The following CCDC88C variants were observed in gnomAD, a reference collection of about 807,000 sequenced individuals.
The protein encoded by CCDC88C is protein Daple.
CCDC88C carries 131 observed loss-of-function variants against 198.8 expected under a neutral mutation model. That is an observed-to-expected ratio of 0.66 (90% CI 0.57 to 0.76). The LOEUF (loss-of-function observed/expected upper bound fraction) is 0.76, where lower values mean the gene tolerates loss of function less well. Ranked by LOEUF, CCDC88C falls within the 30% of genes least tolerant of loss-of-function variation. The pLI is 0.00. For synonymous variants in CCDC88C, 1,166 were observed against 1,114.7 expected, an observed-to-expected ratio of 1.05 and a Z score of -0.92; for missense variants, 2,553 against 2,631.6, an observed-to-expected ratio of 0.97 and a Z score of 0.65.
At chr14:91,340,655 C>G (rs1893279274) in intron 6 of CCDC88C, among the ~76,000 whole-genome samples, 1 of 152,096 alleles carries the variant, frequency 6.6e-6, no homozygotes, top group Admixed American at 6.6e-5. Flanking sequence ...CCATTTCGAG[C>G]TCTTCTCCTC....
chr14:91,294,339 G>A (rs550815649), intron 22 of CCDC88C, 21 bp from the exon 23 acceptor site: 128 of 1,612,616 alleles, frequency 7.9e-5, no homozygotes, highest in Non-Finnish European at 9.5e-5. Flanking sequence ...GACCAACAGC[G>A]TCTCAGACAC....
intron 4 of CCDC88C, among the ~76,000 whole-genome samples, chr14:91,349,826 A>T (rs2139883295): frequency 6.6e-6 from 1 of 152,356 alleles, no homozygotes; most frequent in Middle Eastern, 3.4e-3. Flanking sequence ...CTGATAGCAC[A>T]CGTTTCTAAG....
chr14:91,279,211 A>T lies in CCDC88C; in HGVS notation c.4768+27T>A, dbSNP rs773302314. ...CTGTGCCTGGCCCAAATCAATTTTT[A>T]AAAGTACACAGAAGCACAAGACTTA... is the stretch of plus-strand genomic sequence containing the variant. On this transcript the variant is annotated intron_variant, in intron 28 of 29. Coordinates refer to ENST00000389857, the MANE Select transcript of CCDC88C (RefSeq NM_001080414.4). 1.8e-5 allele frequency: 28 copies of T among 1,564,144 alleles called. No homozygotes were observed. The Middle Eastern group carries it at 1.3e-3, about 74-fold the overall frequency.
At chr14:91,407,022 A>G (rs79156771) in intron 3 of CCDC88C, among the ~76,000 whole-genome samples, 1,691 of 152,144 alleles carry the variant, frequency 0.011, 16 homozygotes, top group Non-Finnish European at 0.016. Context: ...CCCTCTCCCA[A>G]TGGTCTCTGG....
At chr14:91,310,178 G>A (rs1370497441) in intron 15 of CCDC88C, among the ~76,000 whole-genome samples, 192 bp from the exon 16 acceptor site, 1 of 151,878 alleles carries the variant, frequency 6.6e-6, no homozygotes, top group Non-Finnish European at 1.5e-5. Context: ...CAGCCCTCCT[G>A]GTGCTGAAAA....
At chr14:91,416,603 G>A in intron 2 of CCDC88C, 135 bp downstream of exon 2, 2 of 702,974 alleles carry the variant, frequency 2.8e-6, no homozygotes, top group Non-Finnish European at 5.1e-6. Flanking sequence ...TTAATACTGA[G>A]ATACCAGCGT....
rs893875448 is a variant in CCDC88C at position 91,338,138 on chromosome 14, C to A, written c.917G>T (p.Arg306Leu). The A allele has an allele frequency of 6.2e-7, 1 of 1,613,728 alleles. No individual in the cohort carries two copies. The highest frequency in any genetic ancestry group is 1.3e-5 in the African/African-American group (1 of 74,940). ...QENIQLAADA[R>L]SARAYRDELD... Reference sequence around the variant, plus strand: ...CTCGTCTCGATAGGCACGAGCAGACCGGGCGTCTGCCGCTAGCTGGATGTT... The same window carrying A: ...CTCGTCTCGATAGGCACGAGCAGACAGGGCGTCTGCCGCTAGCTGGATGTT... The change falls in exon 10 of 30, where the codon CGG (arginine) becomes CTG (leucine). Residue 306 changes from arginine (R) to leucine (L), a missense_variant. This residue lies in a region of CCDC88C where 1,260 missense variants were observed against 1,412.0 expected (regional missense o/e 0.89). Coordinates refer to ENST00000389857, the MANE Select transcript of CCDC88C (RefSeq NM_001080414.4). The surrounding 1 kb of genome is among the most constrained non-coding windows in gnomAD (Gnocchi z 4.8).
At chr14:91,322,904 C>CTTTTTTTTTT (rs35728972) in intron 12 of CCDC88C, among the ~76,000 whole-genome samples, 1 of 127,518 alleles carries the variant, frequency 7.8e-6, no homozygotes, top group Non-Finnish European at 1.6e-5. Flanking sequence ...CAGTGTTTCT[C>CTTTTTTTTTT]TTTTTTTTTT....
chr14:91,329,031 C>A (rs1051949463), intron 10 of CCDC88C, among the ~76,000 whole-genome samples: 31 of 152,168 alleles, frequency 2.0e-4, no homozygotes, highest in Admixed American at 1.2e-3. Context: ...CCAGGGCATC[C>A]TCAGTGGGGA....
intron 10 of CCDC88C, among the ~76,000 whole-genome samples, chr14:91,332,744 C>G (rs531259962): frequency 1.4e-4 from 21 of 152,308 alleles, no homozygotes; most frequent in African/African-American, 4.3e-4. Flanking sequence ...CCCAAGGAGT[C>G]GAAAAACTCA....
Position 91,272,374 on chromosome 14 carries a change from G to A in CCDC88C, c.*251C>T, listed in dbSNP as rs1889771372. 2 of 527,038 alleles carry A rather than the reference G, an allele frequency of 3.8e-6. No homozygotes were observed. The allele number at this position is 527,038 out of a possible 1,614,324, so 32.6% of individuals were successfully genotyped here. A position where few individuals can be genotyped will look rare whatever the true frequency, so the allele number is the denominator to read the frequency against. On this transcript the variant is annotated 3_prime_UTR_variant, in exon 30 of 30. Coordinates refer to ENST00000389857, the MANE Select transcript of CCDC88C (RefSeq NM_001080414.4). ...TCCTAATTGGTCCCCATGCTGACGT[G>A]GATTATTTGTTCCAAAGATATCAGC...
At position 91,273,736 on chromosome 14, in the gene CCDC88C, G is replaced by C. The variant is rs1019413085; in HGVS notation, c.5059-83C>G. ...GCCGCCTCCTGCGCGGGACGCCCCC[G>C]AGCAGCCCACGTGGCTGGGACCGCA... On this transcript the variant is annotated intron_variant, in intron 29 of 29. Transcript: ENST00000389857. This position sits in a 1 kb window ranked among gnomAD's most constrained non-coding sequence, Gnocchi z 5.6. 7 of 1,254,376 alleles carry C rather than the reference G, an allele frequency of 5.6e-6. No individual in the cohort carries two copies. Among genetic ancestry groups the C allele is most frequent in the Non-Finnish European group, 5.3e-6 (5 of 952,346 alleles). The allele number at this position is 1,254,376 out of a possible 1,614,324, so 77.7% of individuals were successfully genotyped here. A position where few individuals can be genotyped will look rare whatever the true frequency, so the allele number is the denominator to read the frequency against.
Position 91,312,405 on chromosome 14 carries a change from G to A in CCDC88C, c.2736+675C>T, listed in dbSNP as rs895276269. On this transcript the variant is annotated intron_variant, in intron 15 of 29. Coordinates refer to ENST00000389857, the MANE Select transcript of CCDC88C (RefSeq NM_001080414.4). ...TCTGTCTCAAAAATAAGTAAGGGTCGGGCGCGGTGGCTCATGCCTGTAATC... is the reference window on the plus strand; with the variant it reads ...TCTGTCTCAAAAATAAGTAAGGGTCAGGCGCGGTGGCTCATGCCTGTAATC... 5.8e-4 allele frequency among the ~76,000 whole-genome samples: 87 copies of A among 150,652 alleles called. 1 individual carries two copies. The highest frequency in any genetic ancestry group is 2.0e-3 in the African/African-American group (82 of 40,922).
intron 5 of CCDC88C, among the ~76,000 whole-genome samples, 162 bp downstream of exon 5, chr14:91,343,437 G>A (rs192504976): frequency 2.6e-5 from 4 of 152,268 alleles, no homozygotes; most frequent in East Asian, 1.9e-4. Flanking sequence ...CAGCTGCCAC[G>A]TAAAACAATG....
At chr14:91,303,645 A>G in intron 20 of CCDC88C, 56 bp downstream of exon 20, 1 of 1,258,334 alleles carries the variant, frequency 7.9e-7, no homozygotes, top group Non-Finnish European at 1.0e-6. Flanking sequence ...CCCTGGGCCC[A>G]GCCTCTCCTC....
chr14:91,323,842 T>C (rs1254713167), intron 12 of CCDC88C, among the ~76,000 whole-genome samples: 2 of 152,328 alleles, frequency 1.3e-5, no homozygotes, highest in Non-Finnish European at 2.9e-5. Context: ...GCCCCAGAAC[T>C]ACGCACAGAT....
chr14:91,331,794 C>T (rs1025994030), intron 10 of CCDC88C, among the ~76,000 whole-genome samples: 4 of 152,182 alleles, frequency 2.6e-5, no homozygotes, highest in African/African-American at 7.2e-5. Context: ...CAGACATGCC[C>T]GAGAGCACCC....
chr14:91,393,164 A>T (rs945398010), intron 3 of CCDC88C, among the ~76,000 whole-genome samples: 1 of 152,054 alleles, frequency 6.6e-6, no homozygotes, highest in Admixed American at 6.5e-5. Flanking sequence ...CATCACCCCC[A>T]TCTGACAAAA....
rs1237917440 is a variant in CCDC88C, at chr14:91,293,394, GCCCAC to G, written c.4112+774_4112+778del. Among the ~76,000 whole-genome samples the G allele has an allele frequency of 2.3e-3, 80 of 34,066 alleles. 3 individuals are homozygous for G. The highest frequency in any genetic ancestry group is 0.025 in the Middle Eastern group (1 of 40). The allele number at this position is 34,066 out of a possible 152,430, so 22.3% of individuals were successfully genotyped here. A position where few individuals can be genotyped will look rare whatever the true frequency, so the allele number is the denominator to read the frequency against. ...CCTTCCTGCCCCCTCGCCTGCCACA[GCCCAC>G]CTTCCTGCCCCCTCACCTGCCACGG... is the stretch of plus-strand genomic sequence containing the variant. On this transcript the variant is annotated intron_variant, in intron 23 of 29. Coordinates refer to ENST00000389857, the MANE Select transcript of CCDC88C (RefSeq NM_001080414.4).
Sources: gnomAD v4.1 joint callset for allele counts (sites outside exome capture counted in the v4.1 genomes callset) on GRCh38, gnomAD v4.1.1 for gene constraint, gnomAD v4.1.1 regional missense constraint, Gnocchi (gnomAD v3.1) non-coding constraint, MANE v1.5 for transcripts, NCBI Gene and HGNC (gene_info 2026-07-23, HGNC 2026-07-21) for gene names.